The following SPATA13 variants were observed in gnomAD, a reference collection of about 807,000 sequenced individuals.
SPATA13 encodes spermatogenesis associated 13, also known as spermatogenesis-associated protein 13.
SPATA13 carries 50 observed loss-of-function variants against 104.0 expected under a neutral mutation model. That is an observed-to-expected ratio of 0.48 (90% CI 0.38 to 0.61). The LOEUF is 0.61. Ranked by LOEUF, SPATA13 falls within the 20% of genes least tolerant of loss-of-function variation. The probability of loss-of-function intolerance (pLI) is 0.00; values close to 1 mark genes in which losing one functional copy is unlikely to be tolerated. For synonymous variants in SPATA13, 606 were observed against 667.5 expected, an observed-to-expected ratio of 0.91 and a Z score of 1.42; for missense variants, 1,524 against 1,690.6, an observed-to-expected ratio of 0.90 and a Z score of 1.73.
intron 1 of SPATA13, among the ~76,000 whole-genome samples, chr13:24,190,335 T>C (rs796905054): frequency 1.4e-4 from 1 of 6,930 alleles, no homozygotes; most frequent in African/African-American, 1.5e-4. Flanking sequence ...TATATTATTA[T>C]ATATAATATA....
At chr13:24,287,265 A>G (rs1876024101) in intron 7 of SPATA13, among the ~76,000 whole-genome samples, 1 of 152,132 alleles carries the variant, frequency 6.6e-6, no homozygotes, top group South Asian at 2.1e-4. Flanking sequence ...GGCTTTAAGC[A>G]GTCCTCCCTC....
At chr13:24,297,785 A>G (rs377723424) in intron 11 of SPATA13, 50 bp downstream of exon 11, 3 of 1,559,942 alleles carry the variant, frequency 1.9e-6, no homozygotes, top group Non-Finnish European at 2.6e-6. Context: ...TTGCTGTAAT[A>G]GCTTCATTCT....
In SPATA13 at chr13:24,303,214, G is replaced by T; in HGVS notation, c.*441G>T. On this transcript the variant is annotated 3_prime_UTR_variant, in exon 13 of 13. Transcript: ENST00000382108. ...ATTTTCAAGGATGCCGTCAAGACGGGGTTGACACAATGCTGCACGTGTCTG... is the reference window on the plus strand; with the variant it reads ...ATTTTCAAGGATGCCGTCAAGACGGTGTTGACACAATGCTGCACGTGTCTG... 1 of 421,652 alleles carries T rather than the reference G, an allele frequency of 2.4e-6. No individual in the cohort carries two copies. Among genetic ancestry groups the T allele is most frequent in the South Asian group, 1.7e-5 (1 of 58,026 alleles). The allele number at this position is 421,652 out of a possible 1,614,324, so 26.1% of individuals were successfully genotyped here. A position where few individuals can be genotyped will look rare whatever the true frequency, so the allele number is the denominator to read the frequency against.
intron 3 of SPATA13, among the ~76,000 whole-genome samples, chr13:24,069,838 C>A (rs74794215): frequency 6.6e-6 from 1 of 152,108 alleles, no homozygotes; most frequent in South Asian, 2.1e-4. Context: ...TGGCACTGAC[C>A]GTTGTGACAG....
intron 3 of SPATA13, among the ~76,000 whole-genome samples, chr13:24,027,668 C>G (rs1454079213): frequency 2.0e-5 from 3 of 152,152 alleles, no homozygotes; most frequent in Non-Finnish European, 2.9e-5. Flanking sequence ...CTAGTATAAG[C>G]AAATAAGCCT....
chr13:24,278,926 CTCTT>C (rs1470438408), intron 4 of SPATA13: 47 of 810,296 alleles, frequency 5.8e-5, no homozygotes, highest in African/African-American at 4.4e-4. Flanking sequence ...CCTTCCTTCC[CTCTT>C]TCCTTCCTTC....
chr13:24,201,031 T>TCACA lies in SPATA13; in HGVS notation c.-111-21755_-111-21752dup, dbSNP rs10529866. Among the ~76,000 whole-genome samples the TCACA allele has an allele frequency of 1.3e-3, 197 of 150,404 alleles. 1 individual carries two copies. Among genetic ancestry groups the TCACA allele is most frequent in the African/African-American group, 4.5e-3 (184 of 40,578 alleles). On this transcript the variant is annotated intron_variant, in intron 1 of 12. Coordinates refer to ENST00000382108, the MANE Select transcript of SPATA13 (RefSeq NM_001166271.3). Reference sequence around the variant, plus strand: ...GTGAATTTTAAATTCAGCTAGTCAGTCACACACACACACACACACACACAC... The same window carrying TCACA: ...GTGAATTTTAAATTCAGCTAGTCAGTCACACACACACACACACACACACACACAC...
intron 2 of SPATA13, among the ~76,000 whole-genome samples, chr13:24,004,269 A>G (rs1286264505): frequency 6.6e-6 from 1 of 152,228 alleles, no homozygotes; most frequent in Non-Finnish European, 1.5e-5. Flanking sequence ...GTCATCAGTC[A>G]ATAAAGAGTC....
At chr13:24,123,088 C>A (rs939122073) in intron 3 of SPATA13, 17 of 980,372 alleles carry the variant, frequency 1.7e-5, no homozygotes, top group Non-Finnish European at 2.8e-5. Flanking sequence ...GTAAATTCTT[C>A]ACTATATTCA....
chr13:24,188,157 A>G (rs1203205182), intron 1 of SPATA13, among the ~76,000 whole-genome samples: 3 of 152,158 alleles, frequency 2.0e-5, no homozygotes, highest in Non-Finnish European at 4.4e-5. Flanking sequence ...CCTGGGCAAC[A>G]TGGTGAAACC....
intron 2 of SPATA13, among the ~76,000 whole-genome samples, chr13:23,999,368 C>CAAAAAA (rs34668799): frequency 0.11 from 9,981 of 93,052 alleles, 1,527 homozygotes; most frequent in African/African-American, 0.15. Flanking sequence ...CATTTTCTAC[C>CAAAAAA]AAAAAAAAAA....
intron 4 of SPATA13, among the ~76,000 whole-genome samples, chr13:24,268,995 T>C (rs568581106): frequency 6.6e-6 from 1 of 152,334 alleles, no homozygotes; most frequent in Non-Finnish European, 1.5e-5. Flanking sequence ...GTGTTATTAC[T>C]AATCATACAG....
At chr13:24,049,041 G>A (rs1229339745) in intron 3 of SPATA13, among the ~76,000 whole-genome samples, 1 of 152,158 alleles carries the variant, frequency 6.6e-6, no homozygotes, top group African/African-American at 2.4e-5. Context: ...CTACCAAATG[G>A]TTACTTAAAT....
intron 3 of SPATA13, among the ~76,000 whole-genome samples, chr13:24,024,662 A>G (rs1438180090): frequency 7.5e-6 from 1 of 133,796 alleles, no homozygotes; most frequent in Non-Finnish European, 1.6e-5. Flanking sequence ...TTTCTTAAAC[A>G]TTTTGTTAAT....
intron 2 of SPATA13, among the ~76,000 whole-genome samples, chr13:23,984,781 C>CA (rs1190937374): frequency 2.0e-5 from 3 of 152,000 alleles, no homozygotes; most frequent in Non-Finnish European, 4.4e-5. Context: ...GTATCCCAGC[C>CA]AAAAAAGACT....
At chr13:24,160,707 G>GC (rs1566126058), upstream of SPATA13, 1 of 985,540 alleles carries the variant, frequency 1.0e-6, no homozygotes, top group African/African-American at 1.7e-5. Flanking sequence ...CGGGGCTGGG[G>GC]CGTGGCTTGG....
chr13:24,110,231 C>T (rs1246671762), intron 3 of SPATA13, among the ~76,000 whole-genome samples: 1 of 151,816 alleles, frequency 6.6e-6, no homozygotes, highest in Non-Finnish European at 1.5e-5. Context: ...TGAGCCGGCT[C>T]TCCCAGAACC....
intron 2 of SPATA13, among the ~76,000 whole-genome samples, chr13:23,984,289 A>G (rs1875046853): frequency 6.6e-6 from 1 of 152,236 alleles, no homozygotes. Flanking sequence ...AAGTTTCGGT[A>G]TTCACCAGTC....
At chr13:24,031,703 A>T (rs138325002) in intron 3 of SPATA13, among the ~76,000 whole-genome samples, 180 of 152,316 alleles carry the variant, frequency 1.2e-3, no homozygotes, top group African/African-American at 4.0e-3. Flanking sequence ...GCCCTTGGGG[A>T]ATTTATAATC....
Sources: gnomAD v4.1 joint callset for allele counts (sites outside exome capture counted in the v4.1 genomes callset) on GRCh38, gnomAD v4.1.1 for gene constraint, MANE v1.5 for transcripts, NCBI Gene and HGNC (gene_info 2026-07-23, HGNC 2026-07-21) for gene names.